Variants in TNIP3 observed in about 807,000 individuals in gnomAD.
The protein encoded by TNIP3 is TNFAIP3-interacting protein 3.
Under a neutral mutation model 54.1 loss-of-function variants are expected in TNIP3, and 34 were observed. The observed-to-expected ratio is 0.63, with a 90% confidence interval of 0.48 to 0.84. The LOEUF (loss-of-function observed/expected upper bound fraction) is 0.84. TNIP3 is among the 40% of genes least tolerant of loss of function. The pLI, the probability that TNIP3 is intolerant of heterozygous loss-of-function variation, is 0.00. For synonymous variants in TNIP3, 134 were observed against 136.8 expected, an observed-to-expected ratio of 0.98 and a Z score of 0.14; for missense variants, 366 against 387.6, an observed-to-expected ratio of 0.94 and a Z score of 0.47.
At chr4:121,176,659 A>T (rs1234132081) in intron 3 of TNIP3, among the ~76,000 whole-genome samples, 6 of 80,502 alleles carry the variant, frequency 7.5e-5, no homozygotes, top group Non-Finnish European at 1.3e-4. Flanking sequence ...GATTTTGATT[A>T]AAAAAAAAAC....
intron 7 of TNIP3, among the ~76,000 whole-genome samples, chr4:121,145,744 G>A (rs977379240): frequency 6.6e-6 from 1 of 151,264 alleles, no homozygotes; most frequent in African/African-American, 2.4e-5. Context: ...AATATTTTTT[G>A]TTCTAAAACT....
chr4:121,175,260 GGT>G (rs1724241302), intron 3 of TNIP3, among the ~76,000 whole-genome samples: 1 of 152,134 alleles, frequency 6.6e-6, no homozygotes, highest in Non-Finnish European at 1.5e-5. Flanking sequence ...AGAAGACAAA[GGT>G]GGAGTGATAA....
At chr4:121,158,640 C>T in intron 3 of TNIP3, 47 bp downstream of exon 3, 2 of 1,482,358 alleles carry the variant, frequency 1.3e-6, no homozygotes, top group Non-Finnish European at 9.4e-7. Context: ...TTGGCCCCAC[C>T]AGGATAATGG....
upstream of TNIP3, among the ~76,000 whole-genome samples, chr4:121,166,162 A>T (rs1481028070): frequency 6.6e-6 from 1 of 152,174 alleles, no homozygotes; most frequent in Non-Finnish European, 1.5e-5. Flanking sequence ...GTTAGGTGTG[A>T]TGGCTTCTAT....
chr4:121,211,754 G>T (rs1726489511), intron 2 of TNIP3, among the ~76,000 whole-genome samples: 1 of 152,218 alleles, frequency 6.6e-6, no homozygotes, highest in Non-Finnish European at 1.5e-5. Flanking sequence ...ACTCAGAGAT[G>T]TTTTCAGCAT....
At chr4:121,220,389 G>A (rs1043824942), upstream of TNIP3, among the ~76,000 whole-genome samples, 1 of 152,134 alleles carries the variant, frequency 6.6e-6, no homozygotes, top group African/African-American at 2.4e-5. Flanking sequence ...TAAATCCTTG[G>A]TGAATTCTAG....
At chr4:121,177,299 C>T (rs1724416085) in intron 3 of TNIP3, among the ~76,000 whole-genome samples, 1 of 152,064 alleles carries the variant, frequency 6.6e-6, no homozygotes, top group Admixed American at 6.5e-5. Flanking sequence ...TTTCCTTTGC[C>T]TACAAGATTT....
chr4:121,149,792 C>T (rs557848776), intron 6 of TNIP3, among the ~76,000 whole-genome samples: 34 of 152,132 alleles, frequency 2.2e-4, no homozygotes, highest in Middle Eastern at 3.4e-3. Flanking sequence ...ACCATGTCTA[C>T]GTGAAACTCC....
chr4:121,214,112 C>T (rs1008315971), intron 2 of TNIP3, among the ~76,000 whole-genome samples: 2 of 152,138 alleles, frequency 1.3e-5, no homozygotes, highest in African/African-American at 4.8e-5. Context: ...GGAAAGATGA[C>T]TCAGGTGCTC....
upstream of TNIP3, among the ~76,000 whole-genome samples, chr4:121,219,845 T>C (rs1726958236): frequency 6.6e-6 from 1 of 152,226 alleles, no homozygotes; most frequent in Non-Finnish European, 1.5e-5. Context: ...TGACAAGGCA[T>C]ATTTATTTAA....
intron 1 of TNIP3, among the ~76,000 whole-genome samples, chr4:121,163,455 C>T (rs1310705506): frequency 3.3e-5 from 5 of 152,096 alleles, no homozygotes; most frequent in African/African-American, 9.7e-5. Context: ...ACATAATTTC[C>T]TATAATTATT....
At chr4:121,139,035 A>G (rs1207373143) in intron 9 of TNIP3, among the ~76,000 whole-genome samples, 1 of 152,230 alleles carries the variant, frequency 6.6e-6, no homozygotes, top group Non-Finnish European at 1.5e-5. Context: ...AGCATCAACA[A>G]ATACTCTTTT....
chr4:121,161,279 G>C (rs531844066), intron 1 of TNIP3, 63 bp from the exon 2 acceptor site: 10 of 1,413,130 alleles, frequency 7.1e-6, no homozygotes, highest in African/African-American at 4.4e-5. Flanking sequence ...CAGAAGTACT[G>C]TTCCTCAGAA....
intron 2 of TNIP3, among the ~76,000 whole-genome samples, chr4:121,207,782 T>C (rs868654320): frequency 6.6e-6 from 1 of 152,222 alleles, no homozygotes; most frequent in African/African-American, 2.4e-5. Flanking sequence ...AAACTAACTT[T>C]GGAAGAATTT....
chr4:121,154,486 G>C (rs1379799990), intron 5 of TNIP3, 65 bp downstream of exon 5: 1 of 1,595,590 alleles, frequency 6.3e-7, no homozygotes, highest in Non-Finnish European at 8.5e-7. Flanking sequence ...TGTTGCGACT[G>C]TCAGTAAGAA....
chr4:121,172,794 G>A (rs186484852), intron 3 of TNIP3, among the ~76,000 whole-genome samples: 1 of 152,212 alleles, frequency 6.6e-6, no homozygotes, highest in East Asian at 1.9e-4. Flanking sequence ...AATTGCCTGA[G>A]AAAACACTGA....
intron 2 of TNIP3, among the ~76,000 whole-genome samples, chr4:121,214,456 A>G (rs141485476): frequency 1.3e-5 from 2 of 152,236 alleles, no homozygotes; most frequent in African/African-American, 4.8e-5. Flanking sequence ...TGTGGAGAAG[A>G]GGCAAGAGAA....
intron 10 of TNIP3, chr4:121,137,633 A>G (rs1232597937): frequency 8.5e-6 from 2 of 235,204 alleles, no homozygotes; most frequent in Non-Finnish European, 1.7e-5. Context: ...TCAGACTTGT[A>G]AAGTTCACAA....
chr4:121,158,838 T>C (rs1438484221), intron 2 of TNIP3, 86 bp from the exon 3 acceptor site: 3 of 1,121,750 alleles, frequency 2.7e-6, no homozygotes, highest in Non-Finnish European at 4.0e-6. Flanking sequence ...TCTGAGCTTA[T>C]TAAGGTTTTA....
Sources: allele counts gnomAD v4.1 joint callset (sites outside exome capture counted in the v4.1 genomes callset), GRCh38; gene constraint gnomAD v4.1.1; transcripts MANE v1.5; gene names NCBI Gene and HGNC (gene_info 2026-07-23, HGNC 2026-07-21).